The following TASP1 variants were observed in gnomAD, a reference collection of about 807,000 sequenced individuals.
TASP1 encodes the protein taspase 1.
A neutral mutation model predicts 56.6 loss-of-function variants in TASP1; 16 were observed. The observed-to-expected ratio is 0.28, with a 90% CI of 0.19 to 0.43. The LOEUF (loss-of-function observed/expected upper bound fraction) is 0.43, where lower values mean the gene tolerates loss of function less well. Ranked by LOEUF, TASP1 falls within the 20% of genes least tolerant of loss-of-function variation. The probability of loss-of-function intolerance (pLI) is 1.00; values close to 1 mark genes in which losing one functional copy is unlikely to be tolerated. For synonymous variants in TASP1, 179 were observed against 184.2 expected, an observed-to-expected ratio of 0.97 and a Z score of 0.23; for missense variants, 393 against 511.6, an observed-to-expected ratio of 0.77 and a Z score of 2.24.
At chr20:13,284,668 T>C in the TASP1 span, among the ~76,000 whole-genome samples, 1 of 152,166 alleles carries the variant, frequency 6.6e-6, no homozygotes, top group Non-Finnish European at 1.5e-5. Flanking sequence ...TGCCGGGACA[T>C]TGATGGGGGC....
chr20:13,523,279 A>G (rs2044835018), intron 10 of TASP1, among the ~76,000 whole-genome samples: 1 of 152,206 alleles, frequency 6.6e-6, no homozygotes, highest in Non-Finnish European at 1.5e-5. Flanking sequence ...CACAGAGTAC[A>G]AGAATGACTG....
chr20:13,579,845 A>G (rs564393598), intron 6 of TASP1, among the ~76,000 whole-genome samples: 1 of 152,310 alleles, frequency 6.6e-6, no homozygotes, highest in South Asian at 2.1e-4. Flanking sequence ...ATATAATTAA[A>G]ATCTGAAATC....
chr20:13,626,289 T>C (rs1215584029), intron 2 of TASP1, among the ~76,000 whole-genome samples: 2 of 152,026 alleles, frequency 1.3e-5, no homozygotes, highest in Non-Finnish European at 2.9e-5. Flanking sequence ...TAGCCAAGCA[T>C]GGTGGCACAT....
At chr20:13,140,710 T>C in the TASP1 span, among the ~76,000 whole-genome samples, 42 of 152,334 alleles carry the variant, frequency 2.8e-4, no homozygotes, top group African/African-American at 1.0e-3. Context: ...AAAAGTTGAT[T>C]AAAATGTCAA....
intron 6 of TASP1, among the ~76,000 whole-genome samples, chr20:13,573,643 G>A (rs976412310): frequency 6.6e-6 from 1 of 152,042 alleles, no homozygotes; most frequent in Non-Finnish European, 1.5e-5. Context: ...TTATAATCTA[G>A]AAAGTGAACT....
chr20:13,288,395 C>A, the TASP1 span: 2 of 844,602 alleles, frequency 2.4e-6, no homozygotes, highest in Non-Finnish European at 3.6e-6. Flanking sequence ...AGCTGTAAAC[C>A]TTTTAGCTCC....
chr20:13,445,061 C>G (rs1399839902), intron 11 of TASP1, among the ~76,000 whole-genome samples: 1 of 152,108 alleles, frequency 6.6e-6, no homozygotes, highest in Non-Finnish European at 1.5e-5. Flanking sequence ...CCTTATCTAA[C>G]AAAATTTAAA....
chr20:13,335,267 T>C, the TASP1 span, among the ~76,000 whole-genome samples: 2 of 151,786 alleles, frequency 1.3e-5, no homozygotes, highest in Non-Finnish European at 2.9e-5. Context: ...AAAAGTCTAC[T>C]ATGGACACCC....
the TASP1 span, among the ~76,000 whole-genome samples, chr20:13,325,041 C>A: frequency 6.6e-6 from 1 of 152,264 alleles, no homozygotes; most frequent in Non-Finnish European, 1.5e-5. Context: ...AGAAACAAAT[C>A]AGAATGTTTC....
At chr20:13,589,347 C>T (rs762308921) in intron 4 of TASP1, among the ~76,000 whole-genome samples, 5 of 152,114 alleles carry the variant, frequency 3.3e-5, no homozygotes, top group South Asian at 2.1e-4. Context: ...CATGAGCCAC[C>T]GCGCCTGGCC....
chr20:13,536,716 T>A (rs2045432876), intron 8 of TASP1, among the ~76,000 whole-genome samples: 1 of 152,174 alleles, frequency 6.6e-6, no homozygotes, highest in South Asian at 2.1e-4. Flanking sequence ...GTGACTGTCT[T>A]CATCAGTCCT....
the TASP1 span, chr20:13,167,318 C>T: frequency 6.9e-6 from 1 of 145,582 alleles, no homozygotes; most frequent in Non-Finnish European, 1.6e-5. Context: ...ATATCATCAA[C>T]CATTACCCTC....
At chr20:13,120,222 CAGAT>C in the TASP1 span, among the ~76,000 whole-genome samples, 12 of 152,048 alleles carry the variant, frequency 7.9e-5, no homozygotes, top group African/African-American at 2.7e-4. Flanking sequence ...TACTGTAAGA[CAGAT>C]AGATAGGTAG....
At chr20:13,171,695 C>T in the TASP1 span, among the ~76,000 whole-genome samples, 8 of 152,116 alleles carry the variant, frequency 5.3e-5, no homozygotes, top group Admixed American at 1.3e-4. Flanking sequence ...CTGGTATTGA[C>T]ATCAGTCAAC....
chr20:13,361,440 A>G, the TASP1 span, among the ~76,000 whole-genome samples: 78 of 151,832 alleles, frequency 5.1e-4, no homozygotes, highest in East Asian at 1.4e-3. Context: ...ACGGTCCTCC[A>G]TCTTCAAGAA....
At chr20:13,514,574 G>A (rs1273446281) in intron 10 of TASP1, among the ~76,000 whole-genome samples, 2 of 152,106 alleles carry the variant, frequency 1.3e-5, no homozygotes, top group African/African-American at 2.4e-5. Flanking sequence ...ACCTCAATGT[G>A]CCCCTAAGTG....
chr20:13,157,123 G>C, the TASP1 span, among the ~76,000 whole-genome samples: 7 of 152,098 alleles, frequency 4.6e-5, no homozygotes, highest in Non-Finnish European at 1.0e-4. Context: ...AAATGAAGAT[G>C]CTAAGACTTA....
chr20:13,364,525 T>C, the TASP1 span, among the ~76,000 whole-genome samples: 3 of 152,082 alleles, frequency 2.0e-5, no homozygotes, highest in Non-Finnish European at 4.4e-5. Context: ...TTTGTCCCCA[T>C]AGTGACCAAA....
chr20:13,564,937 C>G (rs577861629), intron 7 of TASP1, among the ~76,000 whole-genome samples: 1 of 147,334 alleles, frequency 6.8e-6, no homozygotes, highest in African/African-American at 2.5e-5. Flanking sequence ...GCCCGGGAAG[C>G]GGAGGTTGCA....
Sources: gnomAD v4.1 joint callset for allele counts (sites outside exome capture counted in the v4.1 genomes callset) on GRCh38, gnomAD v4.1.1 for gene constraint, MANE v1.5 for transcripts, NCBI Gene and HGNC (gene_info 2026-07-23, HGNC 2026-07-21) for gene names.